GLIS3: variants seen among roughly 807,000 people sequenced by gnomAD.
GLIS3 encodes the protein GLIS family zinc finger 3, also known as zinc finger protein GLIS3.
A neutral mutation model predicts 78.6 loss-of-function variants in GLIS3; 53 were observed. The ratio of observed to expected loss-of-function variants is 0.67; its 90% CI spans 0.54 to 0.85. GLIS3 has a LOEUF of 0.85. Ranked by LOEUF, GLIS3 falls within the 40% of genes least tolerant of loss-of-function variation. The pLI, the probability that GLIS3 is intolerant of heterozygous loss-of-function variation, is 0.00. For missense variants in GLIS3, 1,703 were observed against 1,231.1 expected, an observed-to-expected ratio of 1.38 and a Z score of -5.74; for synonymous variants, 684 against 509.9, an observed-to-expected ratio of 1.34 and a Z score of -4.60.
chr9:4,113,212 T>G (rs1325691366), intron 4 of GLIS3, among the ~76,000 whole-genome samples: 1 of 152,162 alleles, frequency 6.6e-6, no homozygotes, highest in Non-Finnish European at 1.5e-5. Context: ...TCCTTTATAG[T>G]ATTTCATTAG....
chr9:3,897,682 G>A (rs2130593731), intron 7 of GLIS3, among the ~76,000 whole-genome samples: 1 of 152,300 alleles, frequency 6.6e-6, no homozygotes, highest in South Asian at 2.1e-4. Context: ...TGATGCTCTT[G>A]CAATACTTGC....
At chr9:4,307,043 C>G (rs540493317) in intron 4 of GLIS3, among the ~76,000 whole-genome samples, 7 of 152,210 alleles carry the variant, frequency 4.6e-5, no homozygotes, top group Non-Finnish European at 7.3e-5. Flanking sequence ...TATGAGTGAT[C>G]TGTTTAAGAC....
chr9:4,326,743 C>T (rs191962203), intron 2 of GLIS3, among the ~76,000 whole-genome samples: 29 of 151,966 alleles, frequency 1.9e-4, no homozygotes, highest in African/African-American at 7.0e-4. Context: ...ACAGCAACAG[C>T]AAGGACAAAA....
At position 3,860,272 on chromosome 9, in the gene GLIS3, C is replaced by CAAAAAAAAAAAAAAAAAAAAAAAA. The variant is rs59923144; in HGVS notation, c.2298-4112_2298-4089dup. On this transcript the variant is annotated intron_variant, in intron 8 of 10. Coordinates refer to ENST00000381971, the MANE Select transcript of GLIS3 (RefSeq NM_001042413.2). The stretch of plus-strand genomic sequence containing the variant: ...CCTGGGTGACAGAGCAAGACTCTGT[C>CAAAAAAAAAAAAAAAAAAAAAAAA]AAAAAAAAAAAAAAAAAAAAAAAAA... 2.6e-4 allele frequency among the ~76,000 whole-genome samples: 14 copies of CAAAAAAAAAAAAAAAAAAAAAAAA among 53,608 alleles called. 1 individual carries two copies. Among genetic ancestry groups the CAAAAAAAAAAAAAAAAAAAAAAAA allele is most frequent in the Non-Finnish European group, 4.0e-4 (13 of 32,356 alleles). 35.2% of individuals were successfully genotyped at this position (53,608 alleles called of 152,430 possible).
At chr9:4,055,445 A>G (rs1826066932) in intron 4 of GLIS3, among the ~76,000 whole-genome samples, 2 of 152,162 alleles carry the variant, frequency 1.3e-5, no homozygotes, top group South Asian at 2.1e-4. Context: ...GGGCCTGACC[A>G]TGGGAGTTCC....
chr9:4,375,868 A>G, the GLIS3 span, among the ~76,000 whole-genome samples: 1 of 152,188 alleles, frequency 6.6e-6, no homozygotes, highest in Non-Finnish European at 1.5e-5. Context: ...ATTCCTAAGA[A>G]ACTTTGGAAT....
At chr9:3,899,105 T>C in intron 6 of GLIS3, 1 of 518,676 alleles carries the variant, frequency 1.9e-6, no homozygotes, top group Non-Finnish European at 3.5e-6. Context: ...CTCAACTTCC[T>C]ATTATACTTC....
chr9:4,216,574 C>G (rs1158689545), intron 2 of GLIS3, among the ~76,000 whole-genome samples: 1 of 151,736 alleles, frequency 6.6e-6, no homozygotes, highest in Non-Finnish European at 1.5e-5. Flanking sequence ...GAGCCCCAGC[C>G]AGGGTTCTGA....
rs1035010298 is a variant in GLIS3 at position 4,245,491 on chromosome 9, C to T, written c.388+40547G>A. On this transcript the variant is annotated intron_variant, in intron 2 of 10. Coordinates refer to ENST00000381971, the MANE Select transcript of GLIS3 (RefSeq NM_001042413.2). ...TTCATGGTGTATGTACAGGAAACAA[C>T]GTAGACAATATTAGAAAGGCAATTT... Among the ~76,000 whole-genome samples, 9 of 152,116 alleles carry T rather than the reference C, an allele frequency of 5.9e-5. No individual in the cohort carries two copies. The East Asian group carries it at 9.6e-4, about 16-fold the overall frequency.
At chr9:4,101,616 A>C (rs1446590993) in intron 4 of GLIS3, among the ~76,000 whole-genome samples, 1 of 152,210 alleles carries the variant, frequency 6.6e-6, no homozygotes, top group Non-Finnish European at 1.5e-5. Flanking sequence ...TGTAACCACC[A>C]ATAATTATAC....
chr9:4,397,717 G>A, the GLIS3 span, among the ~76,000 whole-genome samples: 1 of 43,340 alleles, frequency 2.3e-5, no homozygotes, highest in African/African-American at 7.3e-5. Context: ...AGGCAGGGAG[G>A]GAGGGAGGGA....
intron 4 of GLIS3, among the ~76,000 whole-genome samples, chr9:3,945,456 T>G (rs1046994137): frequency 6.6e-6 from 1 of 152,216 alleles, no homozygotes; most frequent in Non-Finnish European, 1.5e-5. Flanking sequence ...AGTACTTCAT[T>G]AGGCTCTGCA....
chr9:4,041,439 G>A (rs760923582), intron 4 of GLIS3, among the ~76,000 whole-genome samples: 1 of 152,098 alleles, frequency 6.6e-6, no homozygotes, highest in Non-Finnish European at 1.5e-5. Flanking sequence ...TTTAGTTTTT[G>A]CACCTTAGAC....
intron 8 of GLIS3, among the ~76,000 whole-genome samples, chr9:3,867,583 G>A (rs558274219): frequency 6.6e-6 from 1 of 152,138 alleles, no homozygotes; most frequent in African/African-American, 2.4e-5. Flanking sequence ...ATAGGAAGAG[G>A]CCACCAACCT....
intron 2 of GLIS3, among the ~76,000 whole-genome samples, chr9:4,275,517 T>C (rs1180876768): frequency 6.6e-6 from 1 of 151,600 alleles, no homozygotes; most frequent in African/African-American, 2.4e-5. Context: ...CCCAGCACTT[T>C]GGGAGGCCGA....
At chr9:4,155,820 G>C (rs976499979) in intron 2 of GLIS3, among the ~76,000 whole-genome samples, 1 of 152,090 alleles carries the variant, frequency 6.6e-6, no homozygotes, top group Admixed American at 6.6e-5. Context: ...CTGAGATTTT[G>C]CATTTCTAAC....
At chr9:4,408,599 C>A in the GLIS3 span, among the ~76,000 whole-genome samples, 6 of 148,182 alleles carry the variant, frequency 4.0e-5, no homozygotes, top group Non-Finnish European at 7.4e-5. Flanking sequence ...CGGTGGCGGG[C>A]GCCTGTAGTC....
chr9:4,283,261 GTTTTTTTGTT>G (rs1446107790), intron 2 of GLIS3, among the ~76,000 whole-genome samples: 5 of 76,384 alleles, frequency 6.5e-5, no homozygotes, highest in African/African-American at 2.4e-4. Context: ...CTGTTTTTTT[GTTTTTTTGTT>G]TTTTTTTTTT....
chr9:4,199,911 AAAGC>A (rs1345576240), intron 2 of GLIS3, among the ~76,000 whole-genome samples: 5 of 152,214 alleles, frequency 3.3e-5, no homozygotes, highest in African/African-American at 1.2e-4. Context: ...GCTCAGCTAT[AAAGC>A]AAGTCACAAT....
Sources: gnomAD v4.1 joint callset for allele counts (sites outside exome capture counted in the v4.1 genomes callset) on GRCh38, gnomAD v4.1.1 for gene constraint, MANE v1.5 for transcripts, NCBI Gene and HGNC (gene_info 2026-07-23, HGNC 2026-07-21) for gene names.